The following GALNTL6 variants were observed in gnomAD, a reference collection of about 807,000 sequenced individuals.
GALNTL6 encodes polypeptide N-acetylgalactosaminyltransferase like 6, also known as polypeptide N-acetylgalactosaminyltransferase-like 6.
A neutral mutation model predicts 73.7 loss-of-function variants in GALNTL6; 46 were observed. The ratio of observed to expected loss-of-function variants is 0.62; its 90% CI spans 0.49 to 0.80. The LOEUF is 0.80. GALNTL6 is among the 30% of genes least tolerant of loss of function. GALNTL6 has a pLI of 0.00. For synonymous variants in GALNTL6, 259 were observed against 263.7 expected, an observed-to-expected ratio of 0.98 and a Z score of 0.17; for missense variants, 604 against 755.0, an observed-to-expected ratio of 0.80 and a Z score of 2.34.
intron 5 of GALNTL6, among the ~76,000 whole-genome samples, chr4:172,560,836 C>T (rs562233879): frequency 6.6e-6 from 1 of 152,260 alleles, no homozygotes; most frequent in Admixed American, 6.5e-5. Context: ...ATGAACTGAG[C>T]ACTTACATGG....
intron 5 of GALNTL6, among the ~76,000 whole-genome samples, chr4:172,595,126 T>G (rs115798731): frequency 1.2e-3 from 182 of 152,228 alleles, no homozygotes; most frequent in Non-Finnish European, 2.2e-3. Flanking sequence ...GATCTAATTA[T>G]CTCCTAAAAG....
chr4:172,909,322 A>G (rs1417861247), intron 8 of GALNTL6, among the ~76,000 whole-genome samples: 2 of 149,914 alleles, frequency 1.3e-5, no homozygotes, highest in Admixed American at 1.3e-4. Flanking sequence ...AAAAAAAAAA[A>G]CTAGAAGCAA....
intron 5 of GALNTL6, among the ~76,000 whole-genome samples, chr4:172,352,829 A>C (rs1184525012): frequency 6.6e-6 from 1 of 151,936 alleles, no homozygotes; most frequent in African/African-American, 2.4e-5. Context: ...AAGTTCCTGG[A>C]CAGAAAAGGG....
At chr4:172,761,245 G>T (rs1189185126) in intron 5 of GALNTL6, among the ~76,000 whole-genome samples, 3 of 152,114 alleles carry the variant, frequency 2.0e-5, no homozygotes, top group Non-Finnish European at 4.4e-5. Flanking sequence ...TACCACTGTT[G>T]GTTCTGAGTA....
intron 5 of GALNTL6, among the ~76,000 whole-genome samples, chr4:172,359,900 G>T (rs1742304132): frequency 6.6e-6 from 1 of 152,154 alleles, no homozygotes; most frequent in South Asian, 2.1e-4. Flanking sequence ...TCCAAAAGAT[G>T]CCCTGACATA....
chr4:172,148,588 TTA>T (rs757508327), intron 2 of GALNTL6, among the ~76,000 whole-genome samples: 9 of 152,168 alleles, frequency 5.9e-5, no homozygotes, highest in Non-Finnish European at 1.2e-4. Flanking sequence ...TGTCAACTAT[TTA>T]TATGTTTCTT....
intron 2 of GALNTL6, among the ~76,000 whole-genome samples, chr4:172,027,982 G>A (rs923389849): frequency 6.6e-6 from 1 of 152,082 alleles, no homozygotes; most frequent in East Asian, 1.9e-4. Flanking sequence ...GCAAAGTATA[G>A]CGGGAAGGGC....
At chr4:172,109,163 C>G (rs1415863370) in intron 2 of GALNTL6, among the ~76,000 whole-genome samples, 1 of 151,692 alleles carries the variant, frequency 6.6e-6, no homozygotes, top group Non-Finnish European at 1.5e-5. Flanking sequence ...CTGAATCAAT[C>G]AATGAAAGTA....
chr4:172,591,153 T>C (rs1737622188), intron 5 of GALNTL6, among the ~76,000 whole-genome samples: 1 of 152,174 alleles, frequency 6.6e-6, no homozygotes, highest in South Asian at 2.1e-4. Context: ...TTAGCCTCAT[T>C]CTGTTTTTGT....
intron 5 of GALNTL6, among the ~76,000 whole-genome samples, chr4:172,534,536 T>G (rs1735277604): frequency 6.6e-6 from 1 of 152,124 alleles, no homozygotes; most frequent in Admixed American, 6.6e-5. Context: ...CATTATCATT[T>G]GAGATGAAAT....
At chr4:172,425,402 T>G (rs917231926) in intron 5 of GALNTL6, 2 of 152,160 alleles carry the variant, frequency 1.3e-5, no homozygotes, top group Non-Finnish European at 2.9e-5. Flanking sequence ...ACTATGTTCT[T>G]GGGTACGACA....
At chr4:172,405,497 A>G (rs1744209166) in intron 5 of GALNTL6, among the ~76,000 whole-genome samples, 1 of 144,876 alleles carries the variant, frequency 6.9e-6, no homozygotes, top group South Asian at 2.2e-4. Flanking sequence ...TGAGTCAATT[A>G]AGCTCCTGCT....
chr4:172,906,404 G>C (rs557322522), intron 8 of GALNTL6, among the ~76,000 whole-genome samples: 1 of 152,230 alleles, frequency 6.6e-6, no homozygotes, highest in African/African-American at 2.4e-5. Context: ...CCTTCAAAAA[G>C]AAAACACCTG....
chr4:172,673,276 A>G (rs1174787578), intron 5 of GALNTL6, among the ~76,000 whole-genome samples: 1 of 151,842 alleles, frequency 6.6e-6, no homozygotes, highest in Non-Finnish European at 1.5e-5. Flanking sequence ...ATGTAATGTG[A>G]TGGTTTTGAG....
chr4:172,109,013 C>CAAAAAAA lies in GALNTL6; in HGVS notation c.139-120620_139-120614dup, dbSNP rs202017302. Among the ~76,000 whole-genome samples the CAAAAAAA allele has an allele frequency of 3.1e-4, 34 of 108,332 alleles. No homozygotes were observed. In the East Asian group the frequency reaches 4.7e-3, roughly 15 times the overall value. 71.1% of individuals were successfully genotyped at this position (108,332 alleles called of 152,430 possible). A position where few individuals can be genotyped will look rare whatever the true frequency, so the allele number is the denominator to read the frequency against. ...GGGTGACAGAGTGAGACTCCATCTCCAAAAAAAAAAAAAAAAAAAAAAAAA... is the reference window on the plus strand; with the variant it reads ...GGGTGACAGAGTGAGACTCCATCTCCAAAAAAAAAAAAAAAAAAAAAAAAAAAAAAAA... On this transcript the variant is annotated intron_variant, in intron 2 of 12. Transcript: ENST00000506823.
chr4:172,844,819 T>A (rs1378383803), intron 7 of GALNTL6, among the ~76,000 whole-genome samples: 1 of 152,118 alleles, frequency 6.6e-6, no homozygotes, highest in East Asian at 1.9e-4. Context: ...CATCAGGGAC[T>A]TATTAACCTC....
At chr4:173,020,392 T>A (rs1379318417) in intron 11 of GALNTL6, among the ~76,000 whole-genome samples, 2 of 152,218 alleles carry the variant, frequency 1.3e-5, no homozygotes, top group African/African-American at 4.8e-5. Flanking sequence ...TTGGAGAGGC[T>A]GGACTAGGAT....
At chr4:172,717,889 G>C (rs539795849) in intron 5 of GALNTL6, among the ~76,000 whole-genome samples, 12 of 152,328 alleles carry the variant, frequency 7.9e-5, no homozygotes, top group Middle Eastern at 3.4e-3. Context: ...GATTAAGGGT[G>C]TGTGTTTATG....
intron 7 of GALNTL6, among the ~76,000 whole-genome samples, chr4:172,834,403 A>C (rs1742801680): frequency 6.6e-6 from 1 of 152,216 alleles, no homozygotes; most frequent in African/African-American, 2.4e-5. Flanking sequence ...CAGCGAGGTA[A>C]GCATGGGCAA....
Sources: allele counts gnomAD v4.1 joint callset (sites outside exome capture counted in the v4.1 genomes callset), GRCh38; gene constraint gnomAD v4.1.1; transcripts MANE v1.5; gene names NCBI Gene and HGNC (gene_info 2026-07-23, HGNC 2026-07-21).